The following DAB1 variants were observed in gnomAD, a reference collection of about 807,000 sequenced individuals.
DAB1 encodes the protein disabled homolog 1.
Under a neutral mutation model 64.6 loss-of-function variants are expected in DAB1, and 15 were observed. The observed-to-expected ratio is 0.23, with a 90% CI of 0.16 to 0.36. DAB1 has a LOEUF of 0.36. Among genes scored for constraint, DAB1 ranks in the 10% least tolerant of loss-of-function variants. The pLI, the probability that DAB1 is intolerant of heterozygous loss-of-function variation, is 1.00. For synonymous variants in DAB1, 235 were observed against 251.9 expected (o/e 0.93, Z 0.64); for missense variants, 596 against 706.7 (o/e 0.84, Z 1.78).
At chr1:57,071,789 G>T in intron 5 of DAB1, 148 bp from the exon 6 acceptor site, 1 of 764,124 alleles carries the variant, frequency 1.3e-6, no homozygotes, top group Non-Finnish European at 2.1e-6. Flanking sequence ...TGTTTATACT[G>T]GTTTAGCAAA....
intron 2 of DAB1, among the ~76,000 whole-genome samples, chr1:57,236,404 G>A (rs1353944635): frequency 6.6e-6 from 1 of 152,144 alleles, no homozygotes; most frequent in Admixed American, 6.5e-5. Context: ...AGTTACAGGA[G>A]CACAGAAAAG....
At chr1:58,266,089 G>T (rs1661153599) in intron 4 of DAB1, among the ~76,000 whole-genome samples, 1 of 150,850 alleles carries the variant, frequency 6.6e-6, no homozygotes, top group Non-Finnish European at 1.5e-5. Context: ...TTCACAGGGA[G>T]AATTAATTAG....
intron 7 of DAB1, among the ~76,000 whole-genome samples, chr1:57,452,866 A>C (rs1686439097): frequency 6.6e-6 from 1 of 152,036 alleles, no homozygotes; most frequent in Non-Finnish European, 1.5e-5. Context: ...AAAAGGAGGA[A>C]GGAAAGAAGA....
At chr1:58,520,229 T>A (rs1646241357) in intron 2 of DAB1, among the ~76,000 whole-genome samples, 1 of 152,104 alleles carries the variant, frequency 6.6e-6, no homozygotes, top group African/African-American at 2.4e-5. Flanking sequence ...GACCTGCACG[T>A]GTACCCTGGA....
intron 2 of DAB1, among the ~76,000 whole-genome samples, chr1:58,511,286 A>T (rs943293374): frequency 2.0e-5 from 3 of 152,158 alleles, no homozygotes; most frequent in Admixed American, 2.0e-4. Context: ...CGTTAAATGA[A>T]TGGAACAGAA....
chr1:57,678,940 T>C (rs1646603487), intron 6 of DAB1, among the ~76,000 whole-genome samples: 1 of 151,700 alleles, frequency 6.6e-6, no homozygotes, highest in African/African-American at 2.4e-5. Context: ...CTAATTTTTT[T>C]TTTTGTATTT....
intron 7 of DAB1, among the ~76,000 whole-genome samples, chr1:57,525,908 C>G (rs2805847): frequency 0.7 from 105,726 of 151,282 alleles, 37,125 homozygotes; most frequent in South Asian, 0.79. Flanking sequence ...CATGAAAATG[C>G]GAATATATTT....
At chr1:57,188,920 G>A (rs936654253) in intron 2 of DAB1, among the ~76,000 whole-genome samples, 1 of 152,120 alleles carries the variant, frequency 6.6e-6, no homozygotes, top group African/African-American at 2.4e-5. Context: ...TGATGCCATA[G>A]GCAGAGTTAT....
chr1:57,612,624 G>C (rs1645742269), intron 7 of DAB1, among the ~76,000 whole-genome samples: 1 of 152,092 alleles, frequency 6.6e-6, no homozygotes, highest in Non-Finnish European at 1.5e-5. Context: ...GTGGATTCTA[G>C]AGCCTCCAGA....
At chr1:57,576,132 T>G (rs370758145) in intron 7 of DAB1, among the ~76,000 whole-genome samples, 282 of 152,320 alleles carry the variant, frequency 1.9e-3, no homozygotes, top group African/African-American at 6.4e-3. Context: ...TCTTTTATTT[T>G]TATTATTTTT....
intron 5 of DAB1, among the ~76,000 whole-genome samples, chr1:57,894,396 A>G (rs1644363177): frequency 6.6e-6 from 1 of 152,150 alleles, no homozygotes; most frequent in African/African-American, 2.4e-5. Flanking sequence ...CATTTTAGGT[A>G]GGGAAGTTGG....
At chr1:57,746,297 G>T (rs1250250407) in intron 6 of DAB1, among the ~76,000 whole-genome samples, 1 of 152,066 alleles carries the variant, frequency 6.6e-6, no homozygotes, top group Non-Finnish European at 1.5e-5. Flanking sequence ...CTCTTTAAGG[G>T]TATATTATCA....
chr1:57,687,214 G>A (rs1466310041), intron 6 of DAB1, among the ~76,000 whole-genome samples: 2 of 152,004 alleles, frequency 1.3e-5, no homozygotes, highest in Non-Finnish European at 2.9e-5. Context: ...TACAAAATCA[G>A]AGTACAAAAA....
chr1:57,035,918 C>A (rs1392598315), intron 9 of DAB1, among the ~76,000 whole-genome samples: 1 of 133,908 alleles, frequency 7.5e-6, no homozygotes, highest in East Asian at 2.4e-4. Context: ...TGTTGGCTCA[C>A]TGCAACCGTT....
At chr1:58,178,329 T>A (rs1656599365) in intron 4 of DAB1, among the ~76,000 whole-genome samples, 1 of 152,104 alleles carries the variant, frequency 6.6e-6, no homozygotes, top group South Asian at 2.1e-4. Context: ...CATGCATGCA[T>A]ACATGCACAT....
intron 5 of DAB1, among the ~76,000 whole-genome samples, chr1:58,145,194 C>A (rs761986347): frequency 1.3e-5 from 2 of 152,336 alleles, no homozygotes; most frequent in Non-Finnish European, 2.9e-5. Flanking sequence ...CAGTGAGGTG[C>A]CATCCTGCCG....
chr1:57,095,355 C>A (rs559245113), intron 4 of DAB1, among the ~76,000 whole-genome samples: 2 of 152,244 alleles, frequency 1.3e-5, no homozygotes, highest in South Asian at 4.1e-4. Flanking sequence ...GACAGAGGCC[C>A]AATGAGACTG....
intron 4 of DAB1, among the ~76,000 whole-genome samples, chr1:57,089,848 T>C (rs542401126): frequency 6.6e-6 from 1 of 152,350 alleles, no homozygotes; most frequent in East Asian, 1.9e-4. Flanking sequence ...AGAACTGTAC[T>C]GTGACTGCTG....
At chr1:57,191,315 A>G (rs762902153) in intron 2 of DAB1, among the ~76,000 whole-genome samples, 49 of 152,290 alleles carry the variant, frequency 3.2e-4, no homozygotes, top group Non-Finnish European at 5.7e-4. Context: ...AGTAGGGTGC[A>G]TGTGACACAT....
Sources: gnomAD v4.1 joint callset for allele counts (sites outside exome capture counted in the v4.1 genomes callset) on GRCh38, gnomAD v4.1.1 for gene constraint, MANE v1.5 for transcripts, NCBI Gene and HGNC (gene_info 2026-07-23, HGNC 2026-07-21) for gene names.